CEMIP2: variants seen among roughly 807,000 people sequenced by gnomAD.
CEMIP2 encodes cell surface hyaluronidase CEMIP2.
In CEMIP2, 79 loss-of-function variants were observed where a neutral mutation model predicts 146.9. That is an observed-to-expected ratio of 0.54 (90% CI 0.45 to 0.65). The LOEUF (loss-of-function observed/expected upper bound fraction) is 0.65. Among genes scored for constraint, CEMIP2 ranks in the 30% least tolerant of loss-of-function variants. The probability of loss-of-function intolerance (pLI) is 0.00; values close to 1 mark genes in which losing one functional copy is unlikely to be tolerated. For missense variants in CEMIP2, 1,596 were observed against 1,696.2 expected (o/e 0.94, Z 1.04); for synonymous variants, 601 against 606.3 (o/e 0.99, Z 0.13).
chr9:71,745,308 A>T lies in CEMIP2; in HGVS notation c.744T>A (p.Asn248Lys). ...AGGACCCAAAGGGCAAGCCTGAGGA[A>T]TTCAGGGTCCTTGCCAACAACGTCC... ...ASWTLLARTL[N>K]SSGLPFGSYT... is the part of the protein sequence containing the mutation. The change falls in exon 4 of 24, where the codon AAT (asparagine) becomes AAA (lysine). Residue 248 changes from asparagine (N) to lysine (K), a missense_variant. Transcript: ENST00000377044. 6.2e-7 allele frequency: 1 copy of T among 1,613,678 alleles called. No homozygotes were observed. The highest frequency in any genetic ancestry group is 1.1e-5 in the South Asian group (1 of 91,082).
chr9:71,758,146 A>G (rs1824520018), intron 1 of CEMIP2, among the ~76,000 whole-genome samples: 2 of 152,238 alleles, frequency 1.3e-5, no homozygotes, highest in African/African-American at 4.8e-5. Flanking sequence ...TGCTAGGTCT[A>G]TACATACAGC....
rs757745159 is a variant in CEMIP2, at chr9:71,745,245, C to A, written c.807G>T (p.Val269=). ...FEKDFSRGLN[V]RVIDQDTAKI... is the part of the protein sequence containing the mutation. The stretch of plus-strand genomic sequence containing the variant: ...TGGCCGTGTCTTGGTCAATGACCCT[C>A]ACATTGAGGCCCCGGGAAAAGTCCT... The change falls in exon 4 of 24, where the codon GTG becomes GTT. Residue 269 remains valine, a synonymous_variant. Coordinates refer to ENST00000377044, the MANE Select transcript of CEMIP2 (RefSeq NM_013390.3). 8.1e-6 allele frequency: 13 copies of A among 1,614,012 alleles called. No individual in the cohort carries two copies. In the South Asian group the frequency reaches 1.4e-4, roughly 18 times the overall value.
At chr9:71,738,683 C>CA (rs2131987939) in intron 5 of CEMIP2, among the ~76,000 whole-genome samples, 1 of 148,820 alleles carries the variant, frequency 6.7e-6, no homozygotes, top group South Asian at 2.1e-4. Context: ...ACTAAAAATA[C>CA]AAAAATTAGC....
chr9:71,710,327 A>G (rs1028267737), intron 16 of CEMIP2, among the ~76,000 whole-genome samples: 2 of 152,186 alleles, frequency 1.3e-5, no homozygotes, highest in African/African-American at 4.8e-5. Context: ...GCTTTTATGC[A>G]CTTTTTGCCC....
chr9:71,732,729 C>T (rs182720009), intron 6 of CEMIP2, among the ~76,000 whole-genome samples: 2 of 93,658 alleles, frequency 2.1e-5, no homozygotes, highest in African/African-American at 9.8e-5. Context: ...TTTTGTGAGA[C>T]GGAGTCTCAC....
intron 1 of CEMIP2, among the ~76,000 whole-genome samples, chr9:71,759,137 G>A (rs115476022): frequency 2.2e-4 from 34 of 152,274 alleles, no homozygotes; most frequent in African/African-American, 8.2e-4. Flanking sequence ...GAAAGGACAA[G>A]GGACTGAGAA....
chr9:71,706,214 A>T (rs1410654723), intron 17 of CEMIP2, among the ~76,000 whole-genome samples: 3 of 149,532 alleles, frequency 2.0e-5, no homozygotes, highest in Non-Finnish European at 4.4e-5. Flanking sequence ...GGGTAACAAA[A>T]ACAAAACTCC....
In CEMIP2 at chr9:71,741,631, G is replaced by GTTTTTTTTT. The variant is rs11334265; in HGVS notation, c.1035-1408_1035-1400dup. ...CACCATTATTTCTTTTTCTTTTCTGGTTTTTTTTTTTTTTTTTTTTTTTTG... is the reference window on the plus strand; with the variant it reads ...CACCATTATTTCTTTTTCTTTTCTGGTTTTTTTTTTTTTTTTTTTTTTTTTTTTTTTTTG... On this transcript the variant is annotated intron_variant, in intron 4 of 23. Coordinates refer to ENST00000377044, the MANE Select transcript of CEMIP2 (RefSeq NM_013390.3). 5.2e-4 allele frequency among the ~76,000 whole-genome samples: 38 copies of GTTTTTTTTT among 73,164 alleles called. 2 individuals are homozygous for GTTTTTTTTT. The highest frequency in any genetic ancestry group is 1.1e-3 in the South Asian group (2 of 1,836). 48.0% of individuals were successfully genotyped at this position (73,164 alleles called of 152,430 possible).
intron 18 of CEMIP2, among the ~76,000 whole-genome samples, chr9:71,702,705 T>TA (rs1236165430): frequency 2.6e-5 from 4 of 152,192 alleles, no homozygotes; most frequent in Non-Finnish European, 4.4e-5. Context: ...AATTGAGGGG[T>TA]AAAAAATTGT....
intron 12 of CEMIP2, among the ~76,000 whole-genome samples, chr9:71,722,002 T>C (rs994454126): frequency 6.6e-5 from 10 of 152,212 alleles, no homozygotes; most frequent in Non-Finnish European, 4.4e-5. Flanking sequence ...ATCATTCCTT[T>C]TGAAATATTA....
intron 19 of CEMIP2, chr9:71,699,474 G>T (rs571836675): frequency 2.4e-6 from 1 of 411,660 alleles, no homozygotes; most frequent in South Asian, 1.8e-5. Flanking sequence ...AAGAAAGAAA[G>T]AAAGAAAAAG....
At position 71,745,281 on chromosome 9, in the gene CEMIP2, A is replaced by G. The variant is rs762819307; in HGVS notation, c.771T>C (p.Tyr257=). ...CCCGGGAAAAGTCCTTTTCAAAGGT[A>G]TAGGACCCAAAGGGCAAGCCTGAGG... ...LNSSGLPFGS[Y]TFEKDFSRGL... Residue 257 remains tyrosine (Y), a synonymous_variant, in exon 4 of 24, where the codon TAT becomes TAC. Transcript: ENST00000377044. 14 of 1,614,004 alleles carry G rather than the reference A, an allele frequency of 8.7e-6. No individual in the cohort carries two copies. In the East Asian group the frequency reaches 2.2e-4, roughly 26 times the overall value.
At chr9:71,704,829 G>C in intron 17 of CEMIP2, 26 bp from the exon 18 acceptor site, 1 of 1,604,522 alleles carries the variant, frequency 6.2e-7, no homozygotes, top group South Asian at 1.1e-5. Flanking sequence ...AAGAAGTAAA[G>C]GGAAGAGAAT....
At chr9:71,719,362 G>A (rs1823162838) in intron 12 of CEMIP2, among the ~76,000 whole-genome samples, 1 of 152,196 alleles carries the variant, frequency 6.6e-6, no homozygotes, top group South Asian at 2.1e-4. Flanking sequence ...AAGGAAGTTT[G>A]CTGGAGAGAA....
Position 71,715,870 on chromosome 9 carries a change from C to A in CEMIP2, c.2435+647G>T, listed in dbSNP as rs1159119971. 2.0e-5 allele frequency among the ~76,000 whole-genome samples: 3 copies of A among 151,744 alleles called. No homozygotes were observed. The East Asian group carries it at 5.8e-4, about 30-fold the overall frequency. ...CAAACTCCTGGCTTTGAGCGATCCT[C>A]CTGTCTTGGCCTCCCAAACTGCTGA... On this transcript the variant is annotated intron_variant, in intron 14 of 23. Coordinates refer to ENST00000377044, the MANE Select transcript of CEMIP2 (RefSeq NM_013390.3).
chr9:71,698,873 C>G lies in CEMIP2; in HGVS notation c.3378-669G>C, dbSNP rs565865910. ...TATCAGCAAACCCAGTCCTTCCAAA[C>G]CAAAGGAAGTCAAGATTCTAAAAAA... On this transcript the variant is annotated intron_variant, in intron 19 of 23. Coordinates refer to ENST00000377044, the MANE Select transcript of CEMIP2 (RefSeq NM_013390.3). Among the ~76,000 whole-genome samples the G allele has an allele frequency of 2.0e-5, 3 of 152,070 alleles. No individual in the cohort carries two copies. The South Asian group carries it at 6.2e-4, about 32-fold the overall frequency.
At chr9:71,760,714 T>C (rs1000930474) in intron 1 of CEMIP2, among the ~76,000 whole-genome samples, 4 of 133,790 alleles carry the variant, frequency 3.0e-5, no homozygotes, top group African/African-American at 1.0e-4. Flanking sequence ...TAAGAACAGC[T>C]AACACTCTCT....
At position 71,729,903 on chromosome 9, in the gene CEMIP2, G is replaced by A; in HGVS notation, c.1991C>T (p.Thr664Ile). 1.2e-6 allele frequency: 2 copies of A among 1,614,194 alleles called. No homozygotes were observed. Among genetic ancestry groups the A allele is most frequent in the Non-Finnish European group, 1.7e-6 (2 of 1,180,022 alleles). Reference protein sequence around the residue: ...VPATDCMAVSTFWIAHPNNNL... With the variant: ...VPATDCMAVSIFWIAHPNNNL... ...ATTGTTGGGATGAGCAATCCAGAAA[G>A]TTGAAACAGCCCTGCAAGGCATTTT... Residue 664 changes from threonine to isoleucine, a missense_variant, in exon 10 of 24, where the codon ACT (threonine) becomes ATT (isoleucine). Transcript: ENST00000377044.
At chr9:71,749,445 C>T (rs1824182581) in intron 2 of CEMIP2, among the ~76,000 whole-genome samples, 1 of 151,410 alleles carries the variant, frequency 6.6e-6, no homozygotes. Flanking sequence ...GTGGCTCACA[C>T]CTGTAATCCC....
Sources: gnomAD v4.1 joint callset for allele counts (sites outside exome capture counted in the v4.1 genomes callset) on GRCh38, gnomAD v4.1.1 for gene constraint, MANE v1.5 for transcripts, NCBI Gene and HGNC (gene_info 2026-07-23, HGNC 2026-07-21) for gene names.